CACNA2D1: variants seen among roughly 807,000 people sequenced by gnomAD.
CACNA2D1 encodes the protein calcium voltage-gated channel auxiliary subunit alpha2delta 1.
A neutral mutation model predicts 171.5 loss-of-function variants in CACNA2D1; 53 were observed. The ratio of observed to expected loss-of-function variants is 0.31; its 90% CI spans 0.25 to 0.39. The LOEUF is 0.39. Among genes scored for constraint, CACNA2D1 ranks in the 10% least tolerant of loss-of-function variants. The pLI is 1.00. For missense variants in CACNA2D1, 903 were observed against 1,299.8 expected (o/e 0.69, Z 4.69); for synonymous variants, 442 against 443.1 (o/e 1.00, Z 0.03).
chr7:82,071,706 T>TTCC (rs796391498), intron 7 of CACNA2D1, among the ~76,000 whole-genome samples: 1 of 152,124 alleles, frequency 6.6e-6, no homozygotes, highest in African/African-American at 2.4e-5. Context: ...CAATATGCAT[T>TTCC]TCCTCCTCCT....
chr7:82,077,470 AGAG>A (rs1009822131), intron 7 of CACNA2D1, among the ~76,000 whole-genome samples: 3 of 152,192 alleles, frequency 2.0e-5, no homozygotes, highest in Admixed American at 6.5e-5. Flanking sequence ...AGAGAATGAC[AGAG>A]TAGTGAGATC....
chr7:82,385,647 GTTGTTTTGTT>G (rs36232215), intron 1 of CACNA2D1, among the ~76,000 whole-genome samples: 10 of 145,954 alleles, frequency 6.9e-5, no homozygotes, highest in Admixed American at 2.2e-4. Context: ...GGGTTTTTTG[GTTGTTTTGTT>G]TTGTTTTGTT....
intron 4 of CACNA2D1, among the ~76,000 whole-genome samples, chr7:82,156,302 T>C (rs1403837557): frequency 6.6e-6 from 1 of 152,172 alleles, no homozygotes; most frequent in Non-Finnish European, 1.5e-5. Context: ...CTCTTTACTC[T>C]AGCTTTCTAT....
At chr7:82,028,973 G>A (rs1264771441) in intron 12 of CACNA2D1, 3 of 151,872 alleles carry the variant, frequency 2.0e-5, no homozygotes, top group African/African-American at 7.2e-5. Flanking sequence ...CAGGGTTTGA[G>A]AGAAATGACT....
chr7:82,172,691 G>A (rs1796157751), intron 3 of CACNA2D1, among the ~76,000 whole-genome samples: 1 of 120,260 alleles, frequency 8.3e-6, no homozygotes, highest in South Asian at 2.8e-4. Flanking sequence ...TCCTATCTCA[G>A]CCTCCCAAAG....
intron 38 of CACNA2D1, among the ~76,000 whole-genome samples, chr7:81,951,351 T>A (rs1792495893): frequency 6.6e-6 from 1 of 152,076 alleles, no homozygotes; most frequent in Admixed American, 6.6e-5. Context: ...TCCTTATTAT[T>A]TTTAAATTTT....
chr7:82,193,109 G>C (rs1477848682), intron 3 of CACNA2D1, among the ~76,000 whole-genome samples: 1 of 151,882 alleles, frequency 6.6e-6, no homozygotes, highest in African/African-American at 2.4e-5. Flanking sequence ...CAAGGATTTA[G>C]CCGAAGCTTT....
intron 1 of CACNA2D1, among the ~76,000 whole-genome samples, chr7:82,390,285 A>C (rs898014059): frequency 1.3e-5 from 2 of 152,178 alleles, no homozygotes; most frequent in African/African-American, 4.8e-5. Context: ...GAGTAAAAAG[A>C]AAAACCTCTG....
chr7:82,271,031 A>C (rs1205344441), intron 3 of CACNA2D1, among the ~76,000 whole-genome samples: 1 of 152,084 alleles, frequency 6.6e-6, no homozygotes, highest in Admixed American at 6.6e-5. Context: ...GCTCTATTTC[A>C]TTCTTCCACT....
In CACNA2D1 at chr7:82,037,981, C is replaced by T. The variant is rs1803512870; in HGVS notation, c.1038+96G>A. ...TGTTTTAAATAAATGAAAAACAGCA[C>T]TATCTAATCCCAGAGAGTAGTAACT... On this transcript the variant is annotated intron_variant, in intron 11 of 38. Coordinates refer to ENST00000356860, the MANE Select transcript of CACNA2D1 (RefSeq NM_000722.4). 4.7e-5 allele frequency: 56 copies of T among 1,197,836 alleles called. No homozygotes were observed. The South Asian group carries it at 5.4e-4, about 12-fold the overall frequency. 74.2% of individuals were successfully genotyped at this position (1,197,836 alleles called of 1,614,324 possible). A position where few individuals can be genotyped will look rare whatever the true frequency, so the allele number is the denominator to read the frequency against.
intron 3 of CACNA2D1, among the ~76,000 whole-genome samples, chr7:82,188,700 C>T (rs1311876846): frequency 1.3e-5 from 2 of 152,016 alleles, no homozygotes; most frequent in African/African-American, 2.4e-5. Context: ...AATCATCCTA[C>T]CATAGACACA....
At chr7:82,032,987 G>A in intron 11 of CACNA2D1, 86 bp from the exon 12 acceptor site, 1 of 777,244 alleles carries the variant, frequency 1.3e-6, no homozygotes, top group East Asian at 2.6e-5. Flanking sequence ...AGCATGAGCA[G>A]GTTGCAAGTA....
chr7:82,404,070 T>C (rs1212208517), intron 1 of CACNA2D1, among the ~76,000 whole-genome samples: 2 of 152,206 alleles, frequency 1.3e-5, no homozygotes, highest in African/African-American at 4.8e-5. Flanking sequence ...CACTTTCCTC[T>C]TCCTCTATCT....
chr7:82,364,795 G>T (rs1265761191), intron 1 of CACNA2D1, among the ~76,000 whole-genome samples: 1 of 152,152 alleles, frequency 6.6e-6, no homozygotes, highest in African/African-American at 2.4e-5. Context: ...AGCTGGTCTT[G>T]TTCCCTGTGT....
At chr7:82,386,735 A>AAAATAAATAAATAAAT (rs200338716) in intron 1 of CACNA2D1, among the ~76,000 whole-genome samples, 1 of 146,222 alleles carries the variant, frequency 6.8e-6, no homozygotes, top group Non-Finnish European at 1.5e-5. Context: ...CTCTGTCTCA[A>AAAATAAATAAATAAAT]AAATAAATAA....
At chr7:82,197,604 A>T (rs781008701) in intron 3 of CACNA2D1, among the ~76,000 whole-genome samples, 1 of 152,032 alleles carries the variant, frequency 6.6e-6, no homozygotes, top group Non-Finnish European at 1.5e-5. Context: ...AAGAAATAAC[A>T]AGGCTTTGAT....
At chr7:82,318,819 A>T (rs147230471) in intron 3 of CACNA2D1, among the ~76,000 whole-genome samples, 9 of 152,310 alleles carry the variant, frequency 5.9e-5, no homozygotes, top group Non-Finnish European at 1.0e-4. Flanking sequence ...TGTAATAATA[A>T]TGAGAAGACA....
intron 1 of CACNA2D1, among the ~76,000 whole-genome samples, chr7:82,383,312 G>C (rs2129449597): frequency 6.6e-6 from 1 of 152,270 alleles, no homozygotes; most frequent in South Asian, 2.1e-4. Context: ...ATGCTTGTAG[G>C]CAAGACTGCC....
At chr7:82,344,150 T>C (rs962198407) in intron 2 of CACNA2D1, among the ~76,000 whole-genome samples, 3 of 152,230 alleles carry the variant, frequency 2.0e-5, no homozygotes, top group African/African-American at 7.2e-5. Flanking sequence ...AAAAGCCTCA[T>C]TGGCCTCTAT....
Sources: allele counts gnomAD v4.1 joint callset (sites outside exome capture counted in the v4.1 genomes callset), GRCh38; gene constraint gnomAD v4.1.1; transcripts MANE v1.5; gene names NCBI Gene and HGNC (gene_info 2026-07-23, HGNC 2026-07-21).